The following NCALD variants were observed in gnomAD, a reference collection of about 807,000 sequenced individuals.
NCALD encodes the protein neurocalcin delta, also known as neurocalcin-delta.
NCALD carries 10 observed loss-of-function variants against 18.6 expected under a neutral mutation model. That is an observed-to-expected ratio of 0.54 (90% CI 0.33 to 0.91). NCALD has a LOEUF of 0.91. Ranked by LOEUF, NCALD falls within the 40% of genes least tolerant of loss-of-function variation. NCALD has a pLI of 0.03. For missense variants in NCALD, 184 were observed against 247.6 expected (o/e 0.74, Z 1.72); for synonymous variants, 88 against 87.4 (o/e 1.01, Z -0.04).
At chr8:101,769,636 C>G (rs961987148) in intron 1 of NCALD, among the ~76,000 whole-genome samples, 1 of 133,708 alleles carries the variant, frequency 7.5e-6, no homozygotes, top group Middle Eastern at 3.8e-3. Context: ...TTTTTTTTTT[C>G]TTTTTGCTGA....
chr8:102,045,136 A>G (rs1043311923), intron 1 of NCALD, among the ~76,000 whole-genome samples: 1 of 152,240 alleles, frequency 6.6e-6, no homozygotes, highest in African/African-American at 2.4e-5. Flanking sequence ...GCCCATAACT[A>G]GAAGGAATCA....
chr8:101,878,753 A>T (rs1407834795), intron 4 of NCALD, among the ~76,000 whole-genome samples: 1 of 152,246 alleles, frequency 6.6e-6, no homozygotes, highest in Middle Eastern at 3.2e-3. Context: ...TTTCTGTTAT[A>T]AGTAAAGTAT....
chr8:101,707,727 G>A (rs1474669623), intron 2 of NCALD, among the ~76,000 whole-genome samples: 1 of 152,120 alleles, frequency 6.6e-6, no homozygotes, highest in Non-Finnish European at 1.5e-5. Context: ...ATGTAGCTGG[G>A]CATGGTAGCA....
At chr8:101,961,025 A>G (rs1819814607) in intron 2 of NCALD, among the ~76,000 whole-genome samples, 2 of 152,150 alleles carry the variant, frequency 1.3e-5, no homozygotes, top group Non-Finnish European at 1.5e-5. Flanking sequence ...CTAAAGGATC[A>G]CATTTTGGCT....
intron 1 of NCALD, among the ~76,000 whole-genome samples, chr8:101,730,184 C>T (rs1266697526): frequency 6.6e-6 from 1 of 152,040 alleles, no homozygotes; most frequent in Non-Finnish European, 1.5e-5. Context: ...CCTTCATTTT[C>T]ACTTAAAAGA....
At chr8:102,040,518 AT>A (rs776020820) in intron 1 of NCALD, among the ~76,000 whole-genome samples, 25 of 152,088 alleles carry the variant, frequency 1.6e-4, no homozygotes, top group Non-Finnish European at 2.9e-4. Flanking sequence ...GTTTCAACAG[AT>A]ACTGCAATAA....
chr8:102,024,839 G>A (rs1269713), intron 1 of NCALD, among the ~76,000 whole-genome samples: 120,992 of 152,086 alleles, frequency 0.8, 48,861 homozygotes, highest in African/African-American at 0.93. Flanking sequence ...TCACCCTTCA[G>A]TGGCTCCCTG....
At chr8:101,897,630 G>T (rs531677669) in intron 3 of NCALD, among the ~76,000 whole-genome samples, 2 of 152,266 alleles carry the variant, frequency 1.3e-5, no homozygotes, top group African/African-American at 4.8e-5. Context: ...ATTATGTACA[G>T]GCTTTGTGTA....
intron 1 of NCALD, among the ~76,000 whole-genome samples, chr8:102,093,866 A>G (rs920306885): frequency 1.3e-5 from 2 of 152,152 alleles, no homozygotes; most frequent in African/African-American, 4.8e-5. Context: ...CTGATGTGAC[A>G]GTTAATGAAA....
intron 3 of NCALD, among the ~76,000 whole-genome samples, chr8:101,909,908 C>T (rs556474426): frequency 1.3e-5 from 2 of 152,248 alleles, no homozygotes; most frequent in South Asian, 2.1e-4. Context: ...ATGCATCTAC[C>T]TATGTGATGT....
chr8:101,985,642 A>C (rs1161434352), intron 2 of NCALD, among the ~76,000 whole-genome samples: 1 of 152,212 alleles, frequency 6.6e-6, no homozygotes, highest in African/African-American at 2.4e-5. Flanking sequence ...TAGAAAAATT[A>C]AAGGAAGAAA....
rs765272817 is a variant in NCALD at position 101,689,423 on chromosome 8, CAG to C, written c.485-19_485-18del. On this transcript the variant is annotated intron_variant, in intron 3 of 3. Transcript: ENST00000220931. The surrounding 1 kb of genome is among the most constrained non-coding windows in gnomAD (Gnocchi z 4.4). ...AGAGTTTTCCTAGGAAGCAAGAGGACAGGTGAGTGGTGGCTGGTGGCAGCTGC... is the reference window on the plus strand; with the variant it reads ...AGAGTTTTCCTAGGAAGCAAGAGGACGTGAGTGGTGGCTGGTGGCAGCTGC... 1 of 1,580,654 alleles carries C rather than the reference CAG, an allele frequency of 6.3e-7. No homozygotes were observed. The highest frequency in any genetic ancestry group is 1.4e-5 in the African/African-American group (1 of 74,042).
chr8:101,856,845 CCTT>C (rs1414447391), intron 4 of NCALD, among the ~76,000 whole-genome samples: 3 of 152,264 alleles, frequency 2.0e-5, no homozygotes, highest in African/African-American at 4.8e-5. Context: ...TGTCCTGACT[CCTT>C]CTGCTCCTGG....
At chr8:101,983,391 T>C (rs1320957963) in intron 2 of NCALD, among the ~76,000 whole-genome samples, 1 of 152,234 alleles carries the variant, frequency 6.6e-6, no homozygotes, top group East Asian at 1.9e-4. Flanking sequence ...CCCTATGCCA[T>C]GGCCTGAAGC....
At chr8:101,968,362 A>G (rs1820111875) in intron 2 of NCALD, among the ~76,000 whole-genome samples, 1 of 152,202 alleles carries the variant, frequency 6.6e-6, no homozygotes, top group South Asian at 2.1e-4. Flanking sequence ...CTTGTACCTT[A>G]AAGCAACTTT....
At chr8:101,842,378 G>A (rs1285840108) in intron 4 of NCALD, among the ~76,000 whole-genome samples, 1 of 152,214 alleles carries the variant, frequency 6.6e-6, no homozygotes, top group African/African-American at 2.4e-5. Flanking sequence ...AAGGGAGAAT[G>A]GGATGCATCA....
intron 2 of NCALD, among the ~76,000 whole-genome samples, chr8:101,990,558 T>G (rs960552581): frequency 5.3e-5 from 8 of 152,326 alleles, no homozygotes; most frequent in African/African-American, 1.9e-4. Flanking sequence ...CTTGCTGTTC[T>G]CTGGATAGTG....
At chr8:101,830,052 A>G (rs1443205415) in intron 4 of NCALD, among the ~76,000 whole-genome samples, 2 of 137,218 alleles carry the variant, frequency 1.5e-5, no homozygotes, top group African/African-American at 5.4e-5. Flanking sequence ...GCAAAATTTT[A>G]AAGTACTGTT....
chr8:102,078,134 C>T (rs1824407864), intron 1 of NCALD, among the ~76,000 whole-genome samples: 1 of 152,152 alleles, frequency 6.6e-6, no homozygotes, highest in East Asian at 1.9e-4. Flanking sequence ...AAATGGCCAC[C>T]CCATGCAACC....
Sources: allele counts gnomAD v4.1 joint callset (sites outside exome capture counted in the v4.1 genomes callset), GRCh38; gene constraint gnomAD v4.1.1; non-coding constraint Gnocchi (gnomAD v3.1); transcripts MANE v1.5; gene names NCBI Gene and HGNC (gene_info 2026-07-23, HGNC 2026-07-21).